BICRA: variants seen among roughly 807,000 people sequenced by gnomAD.
BICRA encodes the protein BRD4 interacting chromatin remodeling complex associated protein, also known as BRD4-interacting chromatin-remodeling complex-associated protein.
Under a neutral mutation model 96.9 loss-of-function variants are expected in BICRA, and 31 were observed. The ratio of observed to expected loss-of-function variants is 0.32; its 90% CI spans 0.24 to 0.43. BICRA has a LOEUF of 0.43. Among genes scored for constraint, BICRA ranks in the 20% least tolerant of loss-of-function variants. BICRA has a pLI of 1.00. For missense variants in BICRA, 2,283 were observed against 2,190.3 expected (o/e 1.04, Z -0.84); for synonymous variants, 1,350 against 1,071.8 (o/e 1.26, Z -5.07).
chr19:47,642,045 C>G (rs1019131473), intron 1 of BICRA, among the ~76,000 whole-genome samples: 6 of 152,108 alleles, frequency 3.9e-5, no homozygotes, highest in African/African-American at 1.4e-4. Flanking sequence ...GTTGATTTTG[C>G]AACTTTCTGC....
At chr19:47,646,840 C>G (rs2033624082) in intron 1 of BICRA, among the ~76,000 whole-genome samples, 1 of 152,126 alleles carries the variant, frequency 6.6e-6, no homozygotes, top group Non-Finnish European at 1.5e-5. Flanking sequence ...GTAAATCGTT[C>G]ACCACAGTTT....
intron 1 of BICRA, among the ~76,000 whole-genome samples, chr19:47,626,884 G>T (rs1972149580): frequency 6.6e-6 from 1 of 151,862 alleles, no homozygotes; most frequent in South Asian, 2.1e-4. Context: ...ACCACACCCA[G>T]CTAATTTTTG....
At chr19:47,694,748 C>G in intron 8 of BICRA, 22 bp downstream of exon 8, 2 of 1,271,280 alleles carry the variant, frequency 1.6e-6, no homozygotes, top group Non-Finnish European at 2.2e-6. Flanking sequence ...CAGGGACTGC[C>G]CGCCCCATCA....
rs1599815078 is a variant in BICRA, at chr19:47,648,731, T to G, written c.-107-21712T>G. 3.4e-5 allele frequency among the ~76,000 whole-genome samples: 5 copies of G among 147,850 alleles called. No homozygotes were observed. The South Asian group carries it at 1.1e-3, about 32-fold the overall frequency. On this transcript the variant is annotated intron_variant, in intron 1 of 14. Transcript: ENST00000594866. Reference sequence around the variant, plus strand: ...TCTTGCTCTGCCACCCAGGCTGGAGTGTAGTAGGCTGATCTTGGCTCACTG... The same window carrying G: ...TCTTGCTCTGCCACCCAGGCTGGAGGGTAGTAGGCTGATCTTGGCTCACTG...
chr19:47,649,476 G>T (rs186869472), intron 1 of BICRA, among the ~76,000 whole-genome samples: 5 of 152,246 alleles, frequency 3.3e-5, no homozygotes, highest in Admixed American at 2.6e-4. Flanking sequence ...CGAAGATCTT[G>T]TGTCCTGCCT....
At chr19:47,625,980 G>C (rs1972133631) in intron 1 of BICRA, among the ~76,000 whole-genome samples, 1 of 152,066 alleles carries the variant, frequency 6.6e-6, no homozygotes, top group African/African-American at 2.4e-5. Flanking sequence ...TTCTTAATTT[G>C]GGGTAAGAGG....
In BICRA at chr19:47,680,139, G is replaced by A. The variant is rs1353169855; in HGVS notation, c.969G>A (p.Gln323=). 2 of 1,524,354 alleles carry A rather than the reference G, an allele frequency of 1.3e-6. No homozygotes were observed. The highest frequency in any genetic ancestry group is 1.7e-4 in the Middle Eastern group (1 of 5,852). The allele number at this position is 1,524,354 out of a possible 1,614,324, so 94.4% of individuals were successfully genotyped here. A position where few individuals can be genotyped will look rare whatever the true frequency, so the allele number is the denominator to read the frequency against. ...CTCCCACCGGGACGCCCTCGGGACA[G>A]CCGCTGGCGGTGGCCCCAGGCCTCG... is the stretch of plus-strand genomic sequence containing the variant. ...ASAPTGTPSG[Q]PLAVAPGLGS... Residue 323 remains glutamine (Q), a synonymous_variant, in exon 6 of 15, where the codon CAG becomes CAA. Coordinates refer to ENST00000594866, the MANE Select transcript of BICRA (RefSeq NM_001394372.1).
In BICRA at chr19:47,696,565, G is replaced by C; in HGVS notation, c.3248+53G>C. On this transcript the variant is annotated intron_variant, in intron 11 of 14. Transcript: ENST00000594866. ...CTGCCCTGTACCTTCCAGAGACCTG[G>C]GGGAGCATGGGGCCACCCTCCAGAA... 2.0e-6 allele frequency: 3 copies of C among 1,508,742 alleles called. No homozygotes were observed. The South Asian group carries it at 3.7e-5, about 18-fold the overall frequency. The allele number at this position is 1,508,742 out of a possible 1,614,324, so 93.5% of individuals were successfully genotyped here.
chr19:47,700,396 T>G (rs1973421894), intron 14 of BICRA: 1 of 151,950 alleles, frequency 6.6e-6, no homozygotes, highest in Non-Finnish European at 1.5e-5. Context: ...GTCTTCTGAT[T>G]TACCCCCAGT....
intron 1 of BICRA, among the ~76,000 whole-genome samples, chr19:47,619,862 T>C (rs1370085359): frequency 6.6e-6 from 1 of 152,150 alleles, no homozygotes; most frequent in African/African-American, 2.4e-5. Flanking sequence ...AAAATGCACA[T>C]AGTTTAAGCA....
chr19:47,650,480 C>G (rs1450937817), intron 1 of BICRA, among the ~76,000 whole-genome samples: 1 of 152,190 alleles, frequency 6.6e-6, no homozygotes, highest in Non-Finnish European at 1.5e-5. Flanking sequence ...TGGTCTCGAA[C>G]TCCTGACCTC....
At chr19:47,683,947 A>G (rs1218856572) in intron 7 of BICRA, among the ~76,000 whole-genome samples, 1 of 152,186 alleles carries the variant, frequency 6.6e-6, no homozygotes, top group African/African-American at 2.4e-5. Flanking sequence ...GATAGGTAGG[A>G]AGAGGAGAGT....
At chr19:47,672,745 C>T (rs906430432) in intron 2 of BICRA, among the ~76,000 whole-genome samples, 2 of 152,076 alleles carry the variant, frequency 1.3e-5, no homozygotes, top group Admixed American at 6.5e-5. Flanking sequence ...ATGGGACTAA[C>T]GATCCCTTCC....
Position 47,694,514 on chromosome 19 carries a change from T to C in BICRA, c.2683T>C (p.Ser895Pro), listed in dbSNP as rs1316486678. The C allele has an allele frequency of 1.4e-6, 2 of 1,469,256 alleles. No individual in the cohort carries two copies. Among genetic ancestry groups the C allele is most frequent in the Admixed American group, 3.7e-5 (2 of 53,836 alleles). 91.0% of individuals were successfully genotyped at this position (1,469,256 alleles called of 1,614,324 possible). Residue 895 changes from serine to proline, a missense_variant, in exon 8 of 15, where the codon TCC (serine) becomes CCC (proline). Transcript: ENST00000594866. ...SSAVASSSET[S>P]SRLPAPTPSD... ...TGCTGTGGCCTCCTCCTCTGAGACG[T>C]CCTCCAGGTTGCCAGCCCCTACGCC...
intron 1 of BICRA, among the ~76,000 whole-genome samples, chr19:47,636,914 C>T (rs1279310663): frequency 3.3e-5 from 5 of 152,118 alleles, no homozygotes; most frequent in East Asian, 1.9e-4. Context: ...CAACCTCTTC[C>T]TTCAAGGCAG....
chr19:47,646,182 G>A (rs894221774), intron 1 of BICRA, among the ~76,000 whole-genome samples: 18 of 152,214 alleles, frequency 1.2e-4, no homozygotes, highest in African/African-American at 3.9e-4. Context: ...GATCTGGCAG[G>A]GGGTGGAGGA....
chr19:47,645,309 T>C (rs2123540708), intron 1 of BICRA, among the ~76,000 whole-genome samples: 1 of 152,298 alleles, frequency 6.6e-6, no homozygotes, highest in Admixed American at 6.5e-5. Flanking sequence ...TTTCAGTTTG[T>C]TGGATGTTTC....
chr19:47,621,879 C>T (rs1034491241), intron 1 of BICRA, among the ~76,000 whole-genome samples: 2 of 152,160 alleles, frequency 1.3e-5, no homozygotes, highest in Non-Finnish European at 2.9e-5. Context: ...GCAACCTCCA[C>T]CTCCCAGGTT....
chr19:47,679,587 C>A lies in BICRA; in HGVS notation c.417C>A (p.Gly139=). 6.5e-7 allele frequency: 1 copy of A among 1,537,486 alleles called. No individual in the cohort carries two copies. Among genetic ancestry groups the A allele is most frequent in the Non-Finnish European group, 8.8e-7 (1 of 1,141,766 alleles). The change falls in exon 6 of 15, where the codon GGC becomes GGA. Residue 139 remains glycine, a synonymous_variant. Transcript: ENST00000594866. ...FQLPTLQPAD[G]GAGPTGAGGA... ...TGCCCACCCTGCAGCCTGCGGATGG[C>A]GGGGCAGGCCCGACGGGCGCTGGAG...
Sources: gnomAD v4.1 joint callset for allele counts (sites outside exome capture counted in the v4.1 genomes callset) on GRCh38, gnomAD v4.1.1 for gene constraint, MANE v1.5 for transcripts, NCBI Gene and HGNC (gene_info 2026-07-23, HGNC 2026-07-21) for gene names.